The following CCDC158 variants were observed in gnomAD, a reference collection of about 807,000 sequenced individuals.
The protein encoded by CCDC158 is coiled-coil domain-containing protein 158.
CCDC158 carries 116 observed loss-of-function variants against 138.6 expected under a neutral mutation model. That is an observed-to-expected ratio of 0.84 (90% CI 0.72 to 0.98). CCDC158 has a LOEUF of 0.98. CCDC158 is among the 50% of genes least tolerant of loss of function. The pLI, the probability that CCDC158 is intolerant of heterozygous loss-of-function variation, is 0.00. For missense variants in CCDC158, 1,265 were observed against 1,306.1 expected, an observed-to-expected ratio of 0.97 and a Z score of 0.48; for synonymous variants, 436 against 442.4, an observed-to-expected ratio of 0.99 and a Z score of 0.18.
chr4:76,325,123 G>T (rs931061990), intron 23 of CCDC158, among the ~76,000 whole-genome samples: 1 of 152,082 alleles, frequency 6.6e-6, no homozygotes, highest in Non-Finnish European at 1.5e-5. Flanking sequence ...AGATGAAAGA[G>T]GACACAAGTA....
chr4:76,367,835 A>T lies in CCDC158; in HGVS notation c.1348-59T>A, dbSNP rs1005014125. ...TGGGAGGATAGGTATAGGCAACCTC[A>T]AGAGATACAAGTTAACTTAAAAGCA... On this transcript the variant is annotated intron_variant, in intron 11 of 24. Coordinates refer to ENST00000682701, the MANE Select transcript of CCDC158 (RefSeq NM_001394954.1). 2.1e-6 allele frequency: 3 copies of T among 1,463,136 alleles called. No homozygotes were observed. The African/African-American group carries it at 4.2e-5, about 21-fold the overall frequency. The allele number at this position is 1,463,136 out of a possible 1,614,324, so 90.6% of individuals were successfully genotyped here.
At chr4:76,349,857 T>C (rs1469610211) in intron 18 of CCDC158, among the ~76,000 whole-genome samples, 1 of 152,200 alleles carries the variant, frequency 6.6e-6, no homozygotes, top group African/African-American at 2.4e-5. Flanking sequence ...AGCTAATCTT[T>C]CTTGGTGACC....
At chr4:76,375,716 A>C (rs919125236) in intron 9 of CCDC158, 1 of 677,634 alleles carries the variant, frequency 1.5e-6, no homozygotes, top group Non-Finnish European at 2.7e-6. Flanking sequence ...TAAAGTGGAA[A>C]GAGAAGAATA....
chr4:76,377,609 A>G (rs1033181685), intron 9 of CCDC158, among the ~76,000 whole-genome samples: 4 of 152,204 alleles, frequency 2.6e-5, no homozygotes, highest in African/African-American at 9.7e-5. Flanking sequence ...CATTCCTGCT[A>G]TAAATCATCA....
chr4:76,324,500 A>G (rs1720342408), intron 23 of CCDC158, among the ~76,000 whole-genome samples: 2 of 152,266 alleles, frequency 1.3e-5, no homozygotes, highest in African/African-American at 4.8e-5. Context: ...AGTTTTTAAC[A>G]TAAATAATAT....
At chr4:76,336,354 T>G (rs1219319859) in intron 18 of CCDC158, among the ~76,000 whole-genome samples, 2 of 152,180 alleles carry the variant, frequency 1.3e-5, no homozygotes, top group Admixed American at 1.3e-4. Context: ...GGCAAGGACT[T>G]GATTTGATCA....
chr4:76,417,335 C>T (rs897554204), intron 1 of CCDC158, among the ~76,000 whole-genome samples: 5 of 152,120 alleles, frequency 3.3e-5, no homozygotes, highest in African/African-American at 1.2e-4. Flanking sequence ...CCAGAAGGGA[C>T]TTGGCTCGTC....
intron 24 of CCDC158, among the ~76,000 whole-genome samples, chr4:76,316,895 G>T (rs1719437493): frequency 1.6e-5 from 1 of 62,700 alleles, no homozygotes; most frequent in Non-Finnish European, 3.0e-5. Context: ...AAAGTCTTTT[G>T]CAGACAAAAA....
intron 8 of CCDC158, 59 bp downstream of exon 8, chr4:76,382,551 T>C: frequency 9.5e-7 from 1 of 1,047,480 alleles, no homozygotes; most frequent in Non-Finnish European, 1.5e-6. Context: ...GAACAGAAAG[T>C]TAATGAGAAT....
At chr4:76,406,291 A>G (rs1728818803) in intron 2 of CCDC158, among the ~76,000 whole-genome samples, 1 of 152,216 alleles carries the variant, frequency 6.6e-6, no homozygotes, top group South Asian at 2.1e-4. Flanking sequence ...CACAATAAAG[A>G]TATGTACCAT....
At chr4:76,329,548 C>A (rs1317422768) in intron 21 of CCDC158, among the ~76,000 whole-genome samples, 1 of 152,124 alleles carries the variant, frequency 6.6e-6, no homozygotes, top group African/African-American at 2.4e-5. Flanking sequence ...CACGCCATTG[C>A]ACTCCAGCCT....
Position 76,411,176 on chromosome 4 carries a change from C to T in CCDC158, c.-74+914G>A, listed in dbSNP as rs556201859. ...CAACACTTTGGGAAGCAAAGGTGGGCGGATCACTTGAGCCCAGGATTTAGA... is the reference window on the plus strand; with the variant it reads ...CAACACTTTGGGAAGCAAAGGTGGGTGGATCACTTGAGCCCAGGATTTAGA... On this transcript the variant is annotated intron_variant, in intron 2 of 24. Coordinates refer to ENST00000682701, the MANE Select transcript of CCDC158 (RefSeq NM_001394954.1). Among the ~76,000 whole-genome samples the T allele has an allele frequency of 1.9e-4, 29 of 152,184 alleles. No individual in the cohort carries two copies. The East Asian group carries it at 3.7e-3, about 19-fold the overall frequency.
At chr4:76,337,745 A>G (rs922259829) in intron 18 of CCDC158, among the ~76,000 whole-genome samples, 4 of 152,256 alleles carry the variant, frequency 2.6e-5, no homozygotes, top group African/African-American at 9.6e-5. Flanking sequence ...GAAAAAAAAA[A>G]AAGAAGAAAA....
At chr4:76,320,158 T>C (rs1412419493) in intron 24 of CCDC158, among the ~76,000 whole-genome samples, 1 of 152,166 alleles carries the variant, frequency 6.6e-6, no homozygotes, top group Non-Finnish European at 1.5e-5. Context: ...ATGACCAAGC[T>C]TGGTATCAAT....
intron 18 of CCDC158, chr4:76,345,008 GAGA>G (rs1722406286): frequency 7.1e-7 from 1 of 1,405,688 alleles, no homozygotes; most frequent in South Asian, 1.2e-5. Flanking sequence ...CTTTGAGCAA[GAGA>G]AGAACTTCCT....
chr4:76,372,927 C>A (rs908470352), intron 9 of CCDC158, among the ~76,000 whole-genome samples: 10 of 152,184 alleles, frequency 6.6e-5, no homozygotes, highest in Non-Finnish European at 1.3e-4. Flanking sequence ...CGGCTCACTG[C>A]AACCTCCGCC....
At chr4:76,339,093 T>C (rs771577961) in intron 18 of CCDC158, among the ~76,000 whole-genome samples, 5 of 152,160 alleles carry the variant, frequency 3.3e-5, no homozygotes, top group Non-Finnish European at 7.3e-5. Flanking sequence ...CCATGAAACC[T>C]TCAAAACTGC....
chr4:76,402,309 T>C lies in CCDC158; in HGVS notation c.70+829A>G, dbSNP rs1454604016. Among the ~76,000 whole-genome samples the C allele has an allele frequency of 3.7e-4, 56 of 152,124 alleles. 1 individual carries two copies. Among genetic ancestry groups the C allele is most frequent in the Admixed American group, 3.7e-3 (56 of 15,266 alleles). ...AGTTCTCTTCCACATAGGTTTGCAATGGGAAGAGCTCGCAGAAGAGCTGGA... is the reference window on the plus strand; with the variant it reads ...AGTTCTCTTCCACATAGGTTTGCAACGGGAAGAGCTCGCAGAAGAGCTGGA... On this transcript the variant is annotated intron_variant, in intron 3 of 24. Coordinates refer to ENST00000682701, the MANE Select transcript of CCDC158 (RefSeq NM_001394954.1).
chr4:76,388,657 G>A lies in CCDC158; in HGVS notation c.289-3992C>T, dbSNP rs187366568. 8.5e-5 allele frequency among the ~76,000 whole-genome samples: 13 copies of A among 152,282 alleles called. No individual in the cohort carries two copies. In the East Asian group the frequency reaches 2.5e-3, roughly 29 times the overall value. ...GTCCAGACATGCACAGGGCCTAGGG[G>A]ATCTTATCACCCTGAAGGGAAGGAC... On this transcript the variant is annotated intron_variant, in intron 4 of 24. Coordinates refer to ENST00000682701, the MANE Select transcript of CCDC158 (RefSeq NM_001394954.1).
Sources: allele counts gnomAD v4.1 joint callset (sites outside exome capture counted in the v4.1 genomes callset), GRCh38; gene constraint gnomAD v4.1.1; transcripts MANE v1.5; gene names NCBI Gene and HGNC (gene_info 2026-07-23, HGNC 2026-07-21).